Variants in ALKBH8 observed in about 807,000 individuals in gnomAD.
ALKBH8 encodes alkB homolog 8, tRNA methyltransferase, also known as tRNA (carboxymethyluridine(34)-5-O)-methyltransferase ALKBH8.
Under a neutral mutation model 59.8 loss-of-function variants are expected in ALKBH8, and 36 were observed. The ratio of observed to expected loss-of-function variants is 0.60; its 90% CI spans 0.46 to 0.79. The LOEUF (loss-of-function observed/expected upper bound fraction) is 0.79, where lower values mean the gene tolerates loss of function less well. ALKBH8 is among the 30% of genes least tolerant of loss of function. The pLI is 0.00. For synonymous variants in ALKBH8, 276 were observed against 273.6 expected (o/e 1.01, Z -0.09); for missense variants, 768 against 801.0 (o/e 0.96, Z 0.50).
chr11:107,507,702 C>T (rs7112793), intron 11 of ALKBH8, among the ~76,000 whole-genome samples: 8,979 of 152,002 alleles, frequency 0.059, 548 homozygotes, highest in African/African-American at 0.16. Flanking sequence ...GTCAAATAGT[C>T]GAAGCAGTGG....
chr11:107,538,821 A>G (rs764950190), intron 7 of ALKBH8, among the ~76,000 whole-genome samples: 2 of 152,332 alleles, frequency 1.3e-5, no homozygotes, highest in South Asian at 4.1e-4. Flanking sequence ...CTGATCCTTA[A>G]TGGTTAGAAA....
At chr11:107,549,688 A>C (rs1012363248) in intron 7 of ALKBH8, 65 bp downstream of exon 7, 1 of 1,125,866 alleles carries the variant, frequency 8.9e-7, no homozygotes, top group Non-Finnish European at 1.2e-6. Flanking sequence ...AATGTGGATA[A>C]TCTTTGAAAA....
In ALKBH8 at chr11:107,520,702, T is replaced by C. The variant is rs564558762; in HGVS notation, c.1287+1597A>G. On this transcript the variant is annotated intron_variant, in intron 10 of 11. Coordinates refer to ENST00000428149, the MANE Select transcript of ALKBH8 (RefSeq NM_138775.3). Reference sequence around the variant, plus strand: ...ACTTAACTCACTAGGCCTTATTCTTTATAAATTAAAATTTAATTGTAAACA... The same window carrying C: ...ACTTAACTCACTAGGCCTTATTCTTCATAAATTAAAATTTAATTGTAAACA... Among the ~76,000 whole-genome samples the C allele has an allele frequency of 2.0e-5, 3 of 152,332 alleles. No individual in the cohort carries two copies. The East Asian group carries it at 5.8e-4, about 29-fold the overall frequency.
intron 7 of ALKBH8, among the ~76,000 whole-genome samples, chr11:107,544,485 T>C (rs985850823): frequency 2.6e-5 from 4 of 152,024 alleles, no homozygotes; most frequent in African/African-American, 7.2e-5. Context: ...GAAAATTACA[T>C]AAAAATAGAA....
intron 7 of ALKBH8, among the ~76,000 whole-genome samples, chr11:107,541,934 A>C (rs1278513163): frequency 6.6e-6 from 1 of 152,214 alleles, no homozygotes; most frequent in Non-Finnish European, 1.5e-5. Context: ...AAAACCAGAC[A>C]TTCTAAAACA....
chr11:107,530,479 G>A (rs562599898), intron 8 of ALKBH8, among the ~76,000 whole-genome samples: 73 of 151,836 alleles, frequency 4.8e-4, no homozygotes, highest in Non-Finnish European at 7.5e-4. Flanking sequence ...CAAAGATTCT[G>A]ATAAACATCT....
intron 8 of ALKBH8, among the ~76,000 whole-genome samples, chr11:107,528,945 C>T (rs1863463090): frequency 6.6e-6 from 1 of 152,022 alleles, no homozygotes; most frequent in Non-Finnish European, 1.5e-5. Context: ...TTTATGTAGT[C>T]AGGAAAACTT....
chr11:107,516,248 A>G (rs1862857263), intron 10 of ALKBH8, among the ~76,000 whole-genome samples: 1 of 152,228 alleles, frequency 6.6e-6, no homozygotes, highest in Non-Finnish European at 1.5e-5. Flanking sequence ...CTTCCTTCTT[A>G]TCCCATTGAC....
rs114828298 is a variant in ALKBH8, at chr11:107,548,087, T to C, written c.771+1666A>G. ...TTTTCCACCCCTTCACTTACAACTC[T>C]CCTGAAAACAAGGAATGCCTTTGCT... On this transcript the variant is annotated intron_variant, in intron 7 of 11. Coordinates refer to ENST00000428149, the MANE Select transcript of ALKBH8 (RefSeq NM_138775.3). Among the ~76,000 whole-genome samples the C allele has an allele frequency of 8.2e-3, 1,244 of 152,268 alleles. 13 individuals are homozygous for C. Among genetic ancestry groups the C allele is most frequent in the African/African-American group, 0.029 (1,191 of 41,546 alleles).
intron 7 of ALKBH8, among the ~76,000 whole-genome samples, chr11:107,549,388 T>G (rs1301041858): frequency 6.6e-6 from 1 of 152,168 alleles, no homozygotes; most frequent in Non-Finnish European, 1.5e-5. Context: ...AGAACACACA[T>G]TTTAATTTGT....
In ALKBH8 at chr11:107,504,708, G is replaced by T. The variant is rs1368553391; in HGVS notation, c.1945C>A (p.Gln649Lys). 1.9e-6 allele frequency: 3 copies of T among 1,551,026 alleles called. No individual in the cohort carries two copies. Among genetic ancestry groups the T allele is most frequent in the South Asian group, 1.2e-5 (1 of 83,950 alleles). The change falls in exon 12 of 12, where the codon CAA (glutamine) becomes AAA (lysine). Residue 649 changes from glutamine (Q) to lysine (K), a missense_variant. Physicochemically the swap from Gln to Lys is moderately conservative, Grantham distance 53 (BLOSUM62 1). Coordinates refer to ENST00000428149, the MANE Select transcript of ALKBH8 (RefSeq NM_138775.3). ...CAGTTTCCTTGATCGTAGTAGCTTT[G>T]CAGAATTCTGACATCACTCACAGTC... ...CRTVSDVRIL[Q>K]SYYDQGNWCV...
In ALKBH8 at chr11:107,505,006, G is replaced by A. The variant is rs368075378; in HGVS notation, c.1647C>T (p.Gly549=). The A allele has an allele frequency of 4.5e-6, 7 of 1,551,588 alleles. No homozygotes were observed. Among genetic ancestry groups the A allele is most frequent in the Non-Finnish European group, 5.2e-6 (6 of 1,146,924 alleles). The change falls in exon 12 of 12, where the codon GGC becomes GGT. Residue 549 remains glycine (G), a synonymous_variant. Coordinates refer to ENST00000428149, the MANE Select transcript of ALKBH8 (RefSeq NM_138775.3). ...RSLVEQMRDM[G]SRDSASSVPR... is the part of the protein sequence containing the mutation. ...GGACAGAAGATGCCGAGTCTCGACT[G>A]CCCATGTCACGCATTTGCTCCACAA...
intron 7 of ALKBH8, among the ~76,000 whole-genome samples, chr11:107,532,897 C>T (rs1218415409): frequency 2.0e-5 from 3 of 152,092 alleles, no homozygotes; most frequent in Non-Finnish European, 2.9e-5. Flanking sequence ...AACTGGCATA[C>T]AGTATAATAA....
chr11:107,506,494 G>C (rs1277414407), intron 11 of ALKBH8, among the ~76,000 whole-genome samples: 1 of 151,728 alleles, frequency 6.6e-6, no homozygotes, highest in Non-Finnish European at 1.5e-5. Context: ...CAGAGGAAAA[G>C]ATCAAGAATT....
chr11:107,516,086 A>G (rs2135485523), intron 10 of ALKBH8, among the ~76,000 whole-genome samples: 1 of 152,238 alleles, frequency 6.6e-6, no homozygotes, highest in East Asian at 1.9e-4. Flanking sequence ...CTTAAGCCAC[A>G]TAACACACTT....
chr11:107,510,353 A>T (rs957240214), intron 11 of ALKBH8, among the ~76,000 whole-genome samples: 2 of 152,162 alleles, frequency 1.3e-5, no homozygotes. Flanking sequence ...AACTAAGAAC[A>T]TACTAAGAGT....
At chr11:107,526,924 ATCTATCTG>A (rs1357708538) in intron 8 of ALKBH8, among the ~76,000 whole-genome samples, 1 of 151,966 alleles carries the variant, frequency 6.6e-6, no homozygotes, top group Non-Finnish European at 1.5e-5. Flanking sequence ...TGTCCTCCTG[ATCTATCTG>A]TCTATCTGTA....
In ALKBH8 at chr11:107,553,909, G is replaced by C. The variant is rs144018060; in HGVS notation, c.437C>G (p.Ser146Cys). The C allele has an allele frequency of 8.1e-6, 13 of 1,613,686 alleles. No homozygotes were observed. In the Admixed American group the frequency reaches 1.5e-4, roughly 19 times the overall value. ...GLMVVEEIIS[S>C]EEEKMLLESV... ...TTCCAAAAGCATTTTCTCCTCCTCA[G>C]AAGAAATTATTTCTTCTACTACCAT... Residue 146 changes from serine to cysteine, a missense_variant, in exon 4 of 12, where the codon TCT (serine) becomes TGT (cysteine). Ser to Cys is a moderately radical substitution (Grantham distance 112, BLOSUM62 -1). Transcript: ENST00000428149.
At chr11:107,538,488 T>C (rs1863912031) in intron 7 of ALKBH8, among the ~76,000 whole-genome samples, 1 of 152,254 alleles carries the variant, frequency 6.6e-6, no homozygotes, top group Non-Finnish European at 1.5e-5. Flanking sequence ...TTTCCAATTA[T>C]TCTTTTTGTT....
Sources: allele counts gnomAD v4.1 joint callset (sites outside exome capture counted in the v4.1 genomes callset), GRCh38; gene constraint gnomAD v4.1.1; transcripts MANE v1.5; gene names NCBI Gene and HGNC (gene_info 2026-07-23, HGNC 2026-07-21).